Variants in CHSY1 observed in about 807,000 individuals in gnomAD.
The protein encoded by CHSY1 is chondroitin sulfate synthase 1.
Under a neutral mutation model 59.8 loss-of-function variants are expected in CHSY1, and 13 were observed. The observed-to-expected ratio is 0.22, with a 90% confidence interval of 0.14 to 0.35. The LOEUF (loss-of-function observed/expected upper bound fraction) is 0.35, where lower values mean the gene tolerates loss of function less well. CHSY1 is among the 10% of genes least tolerant of loss of function. CHSY1 has a pLI of 1.00. For missense variants in CHSY1, 947 were observed against 1,030.6 expected (o/e 0.92, Z 1.11); for synonymous variants, 459 against 401.2 (o/e 1.14, Z -1.72).
intron 1 of CHSY1, among the ~76,000 whole-genome samples, chr15:101,239,844 G>C (rs191802103): frequency 1.0e-4 from 15 of 148,546 alleles, no homozygotes; most frequent in Admixed American, 8.7e-4. Context: ...TTCCCTACTA[G>C]ACTGAGGATG....
chr15:101,243,818 C>T (rs1370421822), intron 1 of CHSY1, among the ~76,000 whole-genome samples: 5 of 152,240 alleles, frequency 3.3e-5, no homozygotes, highest in Non-Finnish European at 4.4e-5. Context: ...TCTGAGGCCA[C>T]ATTCTGTGTC....
chr15:101,238,179 AC>A (rs2038966451), intron 1 of CHSY1, among the ~76,000 whole-genome samples: 1 of 152,202 alleles, frequency 6.6e-6, no homozygotes, highest in African/African-American at 2.4e-5. Flanking sequence ...ATAACATAAA[AC>A]TTACCATCTT....
At chr15:101,234,172 A>G (rs771156906) in intron 2 of CHSY1, among the ~76,000 whole-genome samples, 8 of 152,224 alleles carry the variant, frequency 5.3e-5, no homozygotes, top group Non-Finnish European at 1.0e-4. Context: ...GGCAAATTTC[A>G]TTTATGTGTC....
At chr15:101,250,857 T>A (rs991801811) in intron 1 of CHSY1, among the ~76,000 whole-genome samples, 1 of 152,186 alleles carries the variant, frequency 6.6e-6, no homozygotes, top group African/African-American at 2.4e-5. Flanking sequence ...AAGCTTCGAT[T>A]TGCAAAGGCT....
chr15:101,199,947 CAAGT>C (rs1427692500), intron 2 of CHSY1, among the ~76,000 whole-genome samples: 4 of 152,160 alleles, frequency 2.6e-5, no homozygotes, highest in Non-Finnish European at 4.4e-5. Flanking sequence ...CAACTGGAGA[CAAGT>C]GAGTCACAAA....
intron 2 of CHSY1, among the ~76,000 whole-genome samples, chr15:101,213,569 C>T (rs556037551): frequency 3.3e-5 from 5 of 152,170 alleles, no homozygotes; most frequent in East Asian, 1.9e-4. Flanking sequence ...TGCTACCTGA[C>T]AAAATACTGC....
intron 2 of CHSY1, among the ~76,000 whole-genome samples, chr15:101,205,801 A>C (rs2038618856): frequency 6.6e-6 from 1 of 152,048 alleles, no homozygotes; most frequent in Non-Finnish European, 1.5e-5. Flanking sequence ...AATACAAAAA[A>C]TTAGCTGGGC....
intron 2 of CHSY1, among the ~76,000 whole-genome samples, chr15:101,189,153 G>C (rs1330247253): frequency 1.3e-5 from 2 of 152,210 alleles, no homozygotes; most frequent in African/African-American, 4.8e-5. Context: ...CGGCGAGCGT[G>C]GCGGGCGAAA....
chr15:101,243,299 T>C (rs1368596006), intron 1 of CHSY1, among the ~76,000 whole-genome samples: 2 of 152,210 alleles, frequency 1.3e-5, no homozygotes, highest in Non-Finnish European at 2.9e-5. Flanking sequence ...AGCTTGAAAG[T>C]GTTGGAGAGC....
chr15:101,195,701 T>C (rs2038497214), intron 2 of CHSY1, among the ~76,000 whole-genome samples: 2 of 151,778 alleles, frequency 1.3e-5, no homozygotes, highest in South Asian at 2.1e-4. Context: ...GGCGGGTGCC[T>C]GTAGTCCTAG....
intron 2 of CHSY1, among the ~76,000 whole-genome samples, chr15:101,216,840 G>C (rs1285475846): frequency 1.3e-5 from 2 of 152,170 alleles, no homozygotes; most frequent in Non-Finnish European, 2.9e-5. Flanking sequence ...CAAAACCCAT[G>C]AACTTTACAA....
intron 2 of CHSY1, among the ~76,000 whole-genome samples, chr15:101,190,624 G>GT (rs2038430831): frequency 6.6e-6 from 1 of 152,218 alleles, no homozygotes; most frequent in Admixed American, 6.5e-5. Flanking sequence ...CTTAATTAAA[G>GT]TTAAAAACTT....
At chr15:101,233,075 GCAC>G (rs1210131244) in intron 2 of CHSY1, among the ~76,000 whole-genome samples, 1 of 152,210 alleles carries the variant, frequency 6.6e-6, no homozygotes, top group African/African-American at 2.4e-5. Context: ...CTGACAGGAT[GCAC>G]CAAGCCTCAG....
chr15:101,185,412 A>ACCCCCC (rs879788217), intron 2 of CHSY1, among the ~76,000 whole-genome samples: 1 of 114,944 alleles, frequency 8.7e-6, no homozygotes, highest in Admixed American at 8.5e-5. Context: ...GAGTGTGAAC[A>ACCCCCC]ACCTCCATGG....
chr15:101,223,593 TC>T (rs2038811953), intron 2 of CHSY1, among the ~76,000 whole-genome samples: 1 of 142,264 alleles, frequency 7.0e-6, no homozygotes, highest in Non-Finnish European at 1.5e-5. Flanking sequence ...GACTCAGGCC[TC>T]GTCTACTACA....
chr15:101,197,905 C>A (rs543518428), intron 2 of CHSY1, among the ~76,000 whole-genome samples: 1 of 152,154 alleles, frequency 6.6e-6, no homozygotes, highest in African/African-American at 2.4e-5. Flanking sequence ...CGCCTTATAT[C>A]TGAAACCTGA....
In CHSY1 at chr15:101,251,210, C is replaced by A. The variant is rs2039106995; in HGVS notation, c.247G>T (p.Asp83Tyr). The part of the protein sequence containing the change: ...PGSDPDGGPR[D>Y]RNFLFVGVMT... ...ACTCCCACGAAGAGAAAGTTCCTGT[C>A]GCGCGGGCCGCCATCTGGGTCCGAG... The change falls in exon 1 of 3, where the codon GAC (aspartate) becomes TAC (tyrosine). Residue 83 changes from aspartate to tyrosine, a missense_variant. Around this residue, in one of 4 missense-constraint regions of CHSY1, gnomAD observed 232 missense variants for 188.5 expected, o/e 1.23. Coordinates refer to ENST00000254190, the MANE Select transcript of CHSY1 (RefSeq NM_014918.5). 2.5e-6 allele frequency: 4 copies of A among 1,595,134 alleles called. No individual in the cohort carries two copies. Among genetic ancestry groups the A allele is most frequent in the East Asian group, 2.3e-5 (1 of 44,332 alleles).
intron 2 of CHSY1, among the ~76,000 whole-genome samples, chr15:101,188,605 A>AAAG (rs1044873221): frequency 5.5e-4 from 84 of 152,036 alleles, no homozygotes; most frequent in Middle Eastern, 3.4e-3. Flanking sequence ...TAAAAAAAAA[A>AAAG]AGAGAATTAT....
chr15:101,205,869 G>A (rs111484992), intron 2 of CHSY1, among the ~76,000 whole-genome samples: 14,778 of 151,940 alleles, frequency 0.097, 996 homozygotes, highest in Middle Eastern at 0.18. Flanking sequence ...GGAGAATGGC[G>A]TGAACCCAGG....
Sources: gnomAD v4.1 joint callset for allele counts (sites outside exome capture counted in the v4.1 genomes callset) on GRCh38, gnomAD v4.1.1 for gene constraint, gnomAD v4.1.1 regional missense constraint, MANE v1.5 for transcripts, NCBI Gene and HGNC (gene_info 2026-07-23, HGNC 2026-07-21) for gene names.